ANKH: variants seen among roughly 807,000 people sequenced by gnomAD.
ANKH encodes the protein mineralization regulator ANKH.
In ANKH, 15 loss-of-function variants were observed where a neutral mutation model predicts 49.0. That is an observed-to-expected ratio of 0.31 (90% CI 0.20 to 0.47). The LOEUF is 0.47. Among genes scored for constraint, ANKH ranks in the 20% least tolerant of loss-of-function variants. The probability of loss-of-function intolerance (pLI) is 1.00; values close to 1 mark genes in which losing one functional copy is unlikely to be tolerated. For synonymous variants in ANKH, 273 were observed against 260.0 expected (o/e 1.05, Z -0.48); for missense variants, 429 against 652.0 (o/e 0.66, Z 3.72).
intron 1 of ANKH, among the ~76,000 whole-genome samples, chr5:14,783,327 CACACCA>C (rs1227563161): frequency 2.2e-5 from 3 of 138,708 alleles, no homozygotes; most frequent in Non-Finnish European, 3.2e-5. Context: ...CACACACACA[CACACCA>C]CACATGGAGA....
intron 1 of ANKH, among the ~76,000 whole-genome samples, chr5:14,827,663 C>CT: frequency 6.6e-6 from 1 of 152,288 alleles, no homozygotes; most frequent in Non-Finnish European, 1.5e-5. Context: ...CCTAGTGCTT[C>CT]CAACTTAAAG....
chr5:14,729,345 G>A (rs973400174), intron 8 of ANKH, among the ~76,000 whole-genome samples: 2 of 150,138 alleles, frequency 1.3e-5, no homozygotes, highest in African/African-American at 4.9e-5. Flanking sequence ...GTGCCACCAC[G>A]CCCCACTACT....
At chr5:14,714,108 G>GT (rs1238734491) in intron 9 of ANKH, among the ~76,000 whole-genome samples, 1 of 152,252 alleles carries the variant, frequency 6.6e-6, no homozygotes, top group Non-Finnish European at 1.5e-5. Context: ...GGTCAGAGGT[G>GT]TGGGGACCAA....
intron 1 of ANKH, among the ~76,000 whole-genome samples, chr5:14,824,574 A>C (rs750095108): frequency 1.3e-5 from 2 of 152,184 alleles, no homozygotes; most frequent in African/African-American, 2.4e-5. Context: ...ATAAGAAGTA[A>C]TTTCCAAACA....
intron 1 of ANKH, among the ~76,000 whole-genome samples, chr5:14,838,834 GCAGGTGTGCC>G (rs1324021070): frequency 6.6e-6 from 1 of 152,154 alleles, no homozygotes; most frequent in Non-Finnish European, 1.5e-5. Context: ...TATACAAACT[GCAGGTGTGCC>G]CAGGAAAAAA....
intron 1 of ANKH, chr5:14,868,361 A>G (rs974367653): frequency 1.3e-5 from 2 of 151,252 alleles, no homozygotes; most frequent in African/African-American, 2.4e-5. Context: ...GGAACTTAAA[A>G]GCTCATGAGA....
intron 2 of ANKH, among the ~76,000 whole-genome samples, chr5:14,760,694 T>C (rs1739047274): frequency 6.6e-6 from 1 of 152,050 alleles, no homozygotes; most frequent in Non-Finnish European, 1.5e-5. Flanking sequence ...GCCAGGCGAG[T>C]AGAGCAACGA....
intron 1 of ANKH, among the ~76,000 whole-genome samples, chr5:14,828,949 G>A (rs1372159688): frequency 6.6e-6 from 1 of 152,132 alleles, no homozygotes; most frequent in Non-Finnish European, 1.5e-5. Flanking sequence ...CACTTTGGGA[G>A]GCCAAGGCAG....
At position 14,871,367 on chromosome 5, in the gene ANKH, G is replaced by A. The variant is rs765278834; in HGVS notation, c.81C>T (p.Ile27=). ...LVPLGITNIA[I]DFGEQALNRG... ...CGGGGCTTACCTGCTCCCCGAAGTC[G>A]ATGGCTATGTTGGTGATGCCCAGGG... The change falls in exon 1 of 12, where the codon ATC becomes ATT. Residue 27 remains isoleucine (I), a synonymous_variant. Transcript: ENST00000284268. 1 of 1,612,952 alleles carries A rather than the reference G, an allele frequency of 6.2e-7. No homozygotes were observed. The highest frequency in any genetic ancestry group is 2.2e-5 in the East Asian group (1 of 44,856).
chr5:14,860,396 C>T (rs1014808013), intron 1 of ANKH, among the ~76,000 whole-genome samples: 5 of 152,190 alleles, frequency 3.3e-5, no homozygotes, highest in South Asian at 4.1e-4. Context: ...TGTTACTCTC[C>T]TCTGTGCAGT....
At chr5:14,712,134 A>G (rs994382305) in intron 11 of ANKH, among the ~76,000 whole-genome samples, 7 of 152,108 alleles carry the variant, frequency 4.6e-5, no homozygotes, top group African/African-American at 1.7e-4. Flanking sequence ...TCAGATCTCT[A>G]CCATCTCAGC....
At chr5:14,848,220 C>T (rs1367936715) in intron 1 of ANKH, among the ~76,000 whole-genome samples, 1 of 152,068 alleles carries the variant, frequency 6.6e-6, no homozygotes, top group Non-Finnish European at 1.5e-5. Flanking sequence ...CACCTTTAAA[C>T]GTGGGGCTTG....
chr5:14,845,122 T>C (rs111538967), intron 1 of ANKH, among the ~76,000 whole-genome samples: 1 of 152,136 alleles, frequency 6.6e-6, no homozygotes, highest in African/African-American at 2.4e-5. Context: ...TTAATGGTGT[T>C]GACAGAAACA....
chr5:14,713,385 G>A lies in ANKH; in HGVS notation c.1265+159C>T, dbSNP rs1310985765. On this transcript the variant is annotated intron_variant, in intron 10 of 11. Transcript: ENST00000284268. This position sits in a 1 kb window ranked among gnomAD's most constrained non-coding sequence, Gnocchi z 4.4. ...CACTTTTCTAAAATGGATCCCAAGAGCCTCCACCTGGTGCCTGGGCAGACA... is the reference window on the plus strand; with the variant it reads ...CACTTTTCTAAAATGGATCCCAAGAACCTCCACCTGGTGCCTGGGCAGACA... Among the ~76,000 whole-genome samples the A allele has an allele frequency of 1.5e-4, 23 of 152,184 alleles. No homozygotes were observed. Among genetic ancestry groups the A allele is most frequent in the Non-Finnish European group, 3.4e-4 (23 of 68,036 alleles).
intron 8 of ANKH, among the ~76,000 whole-genome samples, chr5:14,718,888 A>G (rs1737574749): frequency 6.6e-6 from 1 of 150,766 alleles, no homozygotes; most frequent in South Asian, 2.1e-4. Context: ...AAAATTCACA[A>G]GTTAGCAGTA....
intron 7 of ANKH, 70 bp from the exon 8 acceptor site, chr5:14,741,992 A>T: frequency 8.5e-7 from 1 of 1,173,770 alleles, no homozygotes. Context: ...GGGGATCTTG[A>T]AGAGCATCTT....
chr5:14,711,445 C>A (rs1382841440), intron 11 of ANKH, 135 bp from the exon 12 acceptor site: 3 of 736,792 alleles, frequency 4.1e-6, no homozygotes, highest in South Asian at 3.1e-5. Flanking sequence ...GTTGGGGTGG[C>A]GTCACCTCTT....
rs969594985 is a variant in ANKH at position 14,737,606 on chromosome 5, C to G, written c.1011+4221G>C. ...TCTGACTCCAGCACCAGTGGAGACA[C>G]CTTGCATGGCGAGGCTGCGACGCAG... On this transcript the variant is annotated intron_variant, in intron 8 of 11. Transcript: ENST00000284268. This position sits in a 1 kb window ranked among gnomAD's most constrained non-coding sequence, Gnocchi z 5.0. Among the ~76,000 whole-genome samples, 7 of 152,370 alleles carry G rather than the reference C, an allele frequency of 4.6e-5. No individual in the cohort carries two copies. Among genetic ancestry groups the G allele is most frequent in the African/African-American group, 1.2e-4 (5 of 41,576 alleles).
chr5:14,764,323 ATG>A (rs1739190258), intron 2 of ANKH, among the ~76,000 whole-genome samples: 2 of 152,060 alleles, frequency 1.3e-5, no homozygotes, highest in Non-Finnish European at 2.9e-5. Context: ...GGGAGCCGTC[ATG>A]TGTGCTTCTG....
Sources: allele counts gnomAD v4.1 joint callset (sites outside exome capture counted in the v4.1 genomes callset), GRCh38; gene constraint gnomAD v4.1.1; non-coding constraint Gnocchi (gnomAD v3.1); transcripts MANE v1.5; gene names NCBI Gene and HGNC (gene_info 2026-07-23, HGNC 2026-07-21).